Variants in THOC2 observed in about 807,000 individuals in gnomAD.
THOC2 encodes the protein THO complex 2.
A neutral mutation model predicts 128.4 loss-of-function variants in THOC2; 10 were observed. That is an observed-to-expected ratio of 0.08 (90% CI 0.05 to 0.13). The LOEUF is 0.13. Among genes scored for constraint, THOC2 ranks in the 10% least tolerant of loss-of-function variants. The pLI is 1.00. For missense variants in THOC2, 535 were observed against 1,155.7 expected, an observed-to-expected ratio of 0.46 and a Z score of 7.79; for synonymous variants, 393 against 396.9, an observed-to-expected ratio of 0.99 and a Z score of 0.12.
intron 11 of THOC2, 74 bp from the exon 12 acceptor site, chrX:123,665,911 C>CACA: frequency 3.7e-6 from 2 of 545,723 alleles, no homozygotes; most frequent in Non-Finnish European, 5.1e-6. Flanking sequence ...TACACACACA[C>CACA]TACAATATCT....
chrX:123,640,371 T>C (rs928977769), intron 16 of THOC2, among the ~76,000 whole-genome samples, 167 bp downstream of exon 16: 1 of 111,971 alleles, frequency 8.9e-6, no homozygotes, highest in African/African-American at 3.2e-5. Flanking sequence ...CACTGTTACA[T>C]ATTACTATTA....
intron 15 of THOC2, among the ~76,000 whole-genome samples, chrX:123,642,849 G>T (rs1188245568): frequency 9.0e-6 from 1 of 111,084 alleles, no homozygotes; most frequent in Non-Finnish European, 1.9e-5. Flanking sequence ...TCCTTGAGGG[G>T]AAGAACTGAG....
At chrX:123,671,176 G>A (rs1205223083) in intron 9 of THOC2, among the ~76,000 whole-genome samples, 1 of 111,315 alleles carries the variant, frequency 9.0e-6, no homozygotes, top group African/African-American at 3.3e-5. Context: ...AATAACACAA[G>A]AAAAATATTT....
At chrX:123,621,637 CCTTT>C in intron 30 of THOC2, 50 bp from the exon 31 acceptor site, 2 of 906,582 alleles carry the variant, frequency 2.2e-6, no homozygotes, top group Non-Finnish European at 3.0e-6. Flanking sequence ...TAAAATATAT[CCTTT>C]GATATATGAT....
At chrX:123,711,184 A>G (rs1235972999) in intron 2 of THOC2, among the ~76,000 whole-genome samples, 5 of 101,921 alleles carry the variant, frequency 4.9e-5, no homozygotes, top group Non-Finnish European at 9.9e-5. Flanking sequence ...ACACGCAGCT[A>G]ATTTTTTTTT....
chrX:123,700,248 C>T (rs866743694), intron 4 of THOC2, among the ~76,000 whole-genome samples: 1 of 109,204 alleles, frequency 9.2e-6, no homozygotes, highest in Non-Finnish European at 1.9e-5. Context: ...AGCCTGTAAT[C>T]CCAGCACTTT....
At chrX:123,633,339 G>A (rs955973164) in intron 20 of THOC2, among the ~76,000 whole-genome samples, 34 of 111,996 alleles carry the variant, frequency 3.0e-4, no homozygotes, top group Non-Finnish European at 6.0e-4. Context: ...TAAGACTTAA[G>A]GGAGTGAGGA....
chrX:123,634,167 T>C, intron 19 of THOC2, 97 bp from the exon 20 acceptor site: 2 of 452,808 alleles, frequency 4.4e-6, no homozygotes, highest in Admixed American at 8.5e-5. Context: ...CCTTAATTAT[T>C]TGTATATAAA....
At chrX:123,701,127 C>A (rs1453723755) in intron 4 of THOC2, among the ~76,000 whole-genome samples, 1 of 111,123 alleles carries the variant, frequency 9.0e-6, no homozygotes, top group Non-Finnish European at 1.9e-5. Context: ...CCAAGGTGGA[C>A]AGATCACTTG....
chrX:123,704,717 G>T (rs778197278), intron 3 of THOC2, among the ~76,000 whole-genome samples: 1 of 111,191 alleles, frequency 9.0e-6, no homozygotes, highest in Non-Finnish European at 1.9e-5. Context: ...AATTAGCCGG[G>T]TGTGGTGGCA....
intron 8 of THOC2, among the ~76,000 whole-genome samples, chrX:123,685,381 T>A (rs1273302305): frequency 8.9e-6 from 1 of 112,207 alleles, no homozygotes; most frequent in Admixed American, 9.5e-5. Flanking sequence ...TAATTCTGCA[T>A]GGGTAAAGAG....
intron 1 of THOC2, among the ~76,000 whole-genome samples, chrX:123,717,854 AG>A (rs2051498517): frequency 8.9e-6 from 1 of 112,599 alleles, no homozygotes; most frequent in East Asian, 2.8e-4. Context: ...GATGCTCAAA[AG>A]TCCCTTATAT....
At chrX:123,680,192 G>C (rs1190308531) in intron 8 of THOC2, among the ~76,000 whole-genome samples, 1 of 111,216 alleles carries the variant, frequency 9.0e-6, no homozygotes, top group Admixed American at 9.5e-5. Context: ...GGAATGTCTC[G>C]GTGTAAAACC....
In THOC2 at chrX:123,696,855, AT is replaced by A. The variant is rs781646305; in HGVS notation, c.346-14del. 4.1e-5 allele frequency: 47 copies of A among 1,152,049 alleles called. No individual in the cohort carries two copies. In the South Asian group the frequency reaches 9.8e-4, roughly 24 times the overall value. 94.9% of individuals were successfully genotyped at this position (1,152,049 alleles called of 1,213,427 possible). On this transcript the variant is annotated splice_polypyrimidine_tract_variant and intron_variant, in intron 5 of 38. Coordinates refer to ENST00000245838, the MANE Select transcript of THOC2 (RefSeq NM_001081550.2). The stretch of plus-strand genomic sequence containing the variant: ...CTGAAACTAAATACTGTATTAAAAA[AT>A]ATTAAAGGTCATTTATTCCTTAGCA...
intron 8 of THOC2, among the ~76,000 whole-genome samples, chrX:123,673,512 T>C (rs1322553179): frequency 9.0e-6 from 1 of 111,182 alleles, no homozygotes; most frequent in Admixed American, 9.6e-5. Flanking sequence ...CAGGGCCACA[T>C]TCATTACTCC....
chrX:123,673,536 T>A (rs2049365813), intron 8 of THOC2, among the ~76,000 whole-genome samples: 1 of 111,362 alleles, frequency 9.0e-6, no homozygotes, highest in Non-Finnish European at 1.9e-5. Flanking sequence ...CATTCTTGTT[T>A]AAATACATCA....
At chrX:123,719,238 A>G (rs2051578890) in intron 1 of THOC2, among the ~76,000 whole-genome samples, 1 of 110,398 alleles carries the variant, frequency 9.1e-6, no homozygotes. Flanking sequence ...AAAGGACTTG[A>G]GTAGACATTT....
chrX:123,629,206 AACACAC>A (rs754562050), intron 22 of THOC2, among the ~76,000 whole-genome samples: 1,192 of 81,939 alleles, frequency 0.015, 11 homozygotes, highest in Middle Eastern at 0.027. Flanking sequence ...ATTATACATG[AACACAC>A]ACACACACAC....
chrX:123,693,918 C>A (rs951749472), intron 7 of THOC2, among the ~76,000 whole-genome samples: 1 of 111,410 alleles, frequency 9.0e-6, no homozygotes, highest in Non-Finnish European at 1.9e-5. Flanking sequence ...TACTCATAGA[C>A]TGTCCATATA....
Sources: gnomAD v4.1 joint callset for allele counts (sites outside exome capture counted in the v4.1 genomes callset) on GRCh38, gnomAD v4.1.1 for gene constraint, MANE v1.5 for transcripts, NCBI Gene and HGNC (gene_info 2026-07-23, HGNC 2026-07-21) for gene names.